Variants in NFX1 observed in about 807,000 individuals in gnomAD.
NFX1 encodes the protein transcriptional repressor NF-X1.
A neutral mutation model predicts 137.2 loss-of-function variants in NFX1; 69 were observed. The ratio of observed to expected loss-of-function variants is 0.50; its 90% confidence interval spans 0.41 to 0.61. The LOEUF is 0.61. Among genes scored for constraint, NFX1 ranks in the 20% least tolerant of loss-of-function variants. NFX1 has a pLI of 0.00. For missense variants in NFX1, 1,167 were observed against 1,391.0 expected (o/e 0.84, Z 2.56); for synonymous variants, 495 against 474.1 (o/e 1.04, Z -0.57).
rs549969793 is a variant in NFX1, at chr9:33,324,095, T to C, written c.1907-4486T>C. Among the ~76,000 whole-genome samples the C allele has an allele frequency of 1.5e-3, 234 of 152,182 alleles. 1 individual carries two copies. The highest frequency in any genetic ancestry group is 2.9e-4 in the Non-Finnish European group (20 of 68,000). The stretch of plus-strand genomic sequence containing the variant: ...ATCTCTACAAAAAATTTTAAAAACT[T>C]AGGCCAGGCACAGTGGCTCATGCCT... On this transcript the variant is annotated intron_variant, in intron 9 of 23. Coordinates refer to ENST00000379540, the MANE Select transcript of NFX1 (RefSeq NM_002504.6).
intron 11 of NFX1, 134 bp downstream of exon 11, chr9:33,332,636 C>A: frequency 3.6e-6 from 2 of 562,930 alleles, no homozygotes; most frequent in Non-Finnish European, 6.3e-6. Context: ...TAACTTTCAC[C>A]TCAAAAGGAA....
chr9:33,330,756 G>A (rs906159141), intron 10 of NFX1, among the ~76,000 whole-genome samples: 2 of 152,144 alleles, frequency 1.3e-5, no homozygotes, highest in African/African-American at 4.8e-5. Flanking sequence ...ATGGCAGTGA[G>A]TGTATTCTTG....
intron 7 of NFX1, among the ~76,000 whole-genome samples, chr9:33,317,973 C>CA (rs5897542): frequency 0.7 from 30,917 of 44,342 alleles, 13,326 homozygotes; most frequent in Non-Finnish European, 0.8. Flanking sequence ...GACTCTGTCT[C>CA]AAAAAAAAAA....
chr9:33,311,635 C>T (rs189043173), intron 6 of NFX1, among the ~76,000 whole-genome samples: 1 of 152,186 alleles, frequency 6.6e-6, no homozygotes, highest in East Asian at 1.9e-4. Flanking sequence ...TCACTGCAAC[C>T]TCTGCTGCCT....
chr9:33,313,757 G>T lies in NFX1; in HGVS notation c.1552G>T (p.Gly518Cys), dbSNP rs35268125. The change falls in exon 7 of 24, where the codon GGT becomes TGT. Residue 518 changes from glycine (G) to cysteine (C), a missense_variant. Physicochemically the swap from Gly to Cys is radical, Grantham distance 159. Coordinates refer to ENST00000379540, the MANE Select transcript of NFX1 (RefSeq NM_002504.6). Reference sequence around the variant, plus strand: ...CCAGTGTGCTGAGCTGTGCCATGGGGGTCAGTGCCAGCCTTGCCAGATCAT... The same window carrying T: ...CCAGTGTGCTGAGCTGTGCCATGGGTGTCAGTGCCAGCCTTGCCAGATCAT... ...QHQCAELCHGGQCQPCQIILN... is the reference protein window; with the variant it reads ...QHQCAELCHGCQCQPCQIILN... 1.4e-5 allele frequency: 23 copies of T among 1,614,098 alleles called. No homozygotes were observed. The highest frequency in any genetic ancestry group is 1.8e-5 in the Non-Finnish European group (21 of 1,180,002).
At chr9:33,367,491 G>A (rs1409625389) in intron 22 of NFX1, 24 bp from the exon 23 acceptor site, 1 of 1,609,950 alleles carries the variant, frequency 6.2e-7, no homozygotes, top group Admixed American at 1.7e-5. Context: ...ACTTTTCAAT[G>A]CTTGGTGTTT....
chr9:33,329,006 C>T (rs1007427421), intron 10 of NFX1, among the ~76,000 whole-genome samples: 15 of 152,116 alleles, frequency 9.9e-5, no homozygotes, highest in African/African-American at 2.7e-4. Context: ...AGACCACCTG[C>T]GAGGCTTGAT....
intron 3 of NFX1, among the ~76,000 whole-genome samples, chr9:33,301,690 C>A (rs1316893334): frequency 6.6e-6 from 1 of 152,108 alleles, no homozygotes; most frequent in East Asian, 1.9e-4. Flanking sequence ...ATTATTTTTT[C>A]TTTGACCTAC....
intron 19 of NFX1, among the ~76,000 whole-genome samples, chr9:33,363,262 TGTATTATTATTA>T (rs1337822164): frequency 2.3e-5 from 3 of 131,430 alleles, no homozygotes; most frequent in African/African-American, 9.7e-5. Flanking sequence ...AATAAAGAAA[TGTATTATTATTA>T]TTATTATTAT....
intron 1 of NFX1, among the ~76,000 whole-genome samples, chr9:33,291,955 G>T (rs549080072): frequency 6.6e-6 from 1 of 152,312 alleles, no homozygotes; most frequent in Admixed American, 6.5e-5. Context: ...TCTTGATGTG[G>T]ATATTAAGTC....
rs1249278909 is a variant in NFX1, at chr9:33,366,767, G to A, written c.3178G>A (p.Ala1060Thr). 1.9e-6 allele frequency: 3 copies of A among 1,613,816 alleles called. No homozygotes were observed. The highest frequency in any genetic ancestry group is 1.3e-5 in the African/African-American group (1 of 75,050). ...SEPKRNVVVTAIRGKSVCPPT... is the reference protein window; with the variant it reads ...SEPKRNVVVTTIRGKSVCPPT... ...ACCGAAGCGCAATGTGGTGGTCACT[G>A]CCATCAGGTAGGTCAATCCCGCCGT... The change falls in exon 22 of 24, where the codon GCC becomes ACC. Residue 1060 changes from alanine to threonine, a missense_variant. Physicochemically the swap from Ala to Thr is moderately conservative, Grantham distance 58 (BLOSUM62 0). Around this residue, in one of 3 missense-constraint regions of NFX1, gnomAD observed 312 missense variants for 312.8 expected, o/e 1.00. Transcript: ENST00000379540.
chr9:33,354,178 A>G lies in NFX1; in HGVS notation c.2822A>G (p.His941Arg), dbSNP rs752350712. The change falls in exon 18 of 24, where the codon CAT (histidine) becomes CGT (arginine). Residue 941 changes from histidine (H) to arginine (R), a missense_variant. Physicochemically the swap from His to Arg is conservative, Grantham distance 29. Transcript: ENST00000379540. ...ISKLITKKEV[H>R]QARLECDEEC... ...AAGTTAATTACCAAAAAGGAAGTTC[A>G]TCAAGCCAGGTAATTTTTAAAATGC... 11 of 1,612,374 alleles carry G rather than the reference A, an allele frequency of 6.8e-6. No homozygotes were observed. Among genetic ancestry groups the G allele is most frequent in the African/African-American group, 1.3e-5 (1 of 74,898 alleles).
chr9:33,328,430 A>G lies in NFX1; in HGVS notation c.1907-151A>G, dbSNP rs568710816. 15 of 596,114 alleles carry G rather than the reference A, an allele frequency of 2.5e-5. No individual in the cohort carries two copies. In the South Asian group the frequency reaches 2.7e-4, roughly 11 times the overall value. The allele number at this position is 596,114 out of a possible 1,614,324, so 36.9% of individuals were successfully genotyped here. On this transcript the variant is annotated intron_variant, in intron 9 of 23. Transcript: ENST00000379540. The stretch of plus-strand genomic sequence containing the variant: ...GCCCAGTCTGCCAGATGAAGGGAAG[A>G]TAGGGAAGAAGCATTGACTGCATAC...
intron 19 of NFX1, among the ~76,000 whole-genome samples, chr9:33,361,469 G>A (rs1001214105): frequency 3.3e-5 from 5 of 151,812 alleles, no homozygotes; most frequent in African/African-American, 9.7e-5. Context: ...TAATAATGGC[G>A]GTACTTAAAA....
intron 10 of NFX1, 36 bp from the exon 11 acceptor site, chr9:33,332,436 C>CT (rs1289492298): frequency 6.4e-7 from 1 of 1,574,208 alleles, no homozygotes; most frequent in Non-Finnish European, 8.7e-7. Flanking sequence ...TTAGTTATTC[C>CT]TAAAGTAGTT....
At chr9:33,326,703 G>C (rs1822603358) in intron 9 of NFX1, among the ~76,000 whole-genome samples, 1 of 152,188 alleles carries the variant, frequency 6.6e-6, no homozygotes. Context: ...TGAGTGACAA[G>C]AGTGGGACCC....
intron 12 of NFX1, among the ~76,000 whole-genome samples, chr9:33,339,601 A>G (rs907395800): frequency 4.6e-5 from 7 of 152,188 alleles, no homozygotes; most frequent in African/African-American, 1.7e-4. Context: ...ACTGTCCCCC[A>G]AAGTCTTAAC....
chr9:33,370,668 A>G lies in NFX1; in HGVS notation c.*690A>G, dbSNP rs1199553347. The G allele has an allele frequency of 6.6e-6, 1 of 152,206 alleles. No individual in the cohort carries two copies. The highest frequency in any genetic ancestry group is 1.9e-4 in the East Asian group (1 of 5,198). 9.4% of individuals were successfully genotyped at this position (152,206 alleles called of 1,614,324 possible). A position where few individuals can be genotyped will look rare whatever the true frequency, so the allele number is the denominator to read the frequency against. ...TCCCTGGCACTTCTCATACCACATC[A>G]CTGAACCTGTTCAGTAACAATCAGT... On this transcript the variant is annotated 3_prime_UTR_variant, in exon 24 of 24. Coordinates refer to ENST00000379540, the MANE Select transcript of NFX1 (RefSeq NM_002504.6).
Position 33,294,539 on chromosome 9 carries a change from A to G in NFX1, c.145A>G (p.Ser49Gly), listed in dbSNP as rs377682621. 58 of 1,614,102 alleles carry G rather than the reference A, an allele frequency of 3.6e-5. No homozygotes were observed. Among genetic ancestry groups the G allele is most frequent in the Non-Finnish European group, 4.2e-5 (50 of 1,180,044 alleles). Residue 49 changes from serine to glycine, a missense_variant, in exon 2 of 24, where the codon AGT becomes GGT. This residue lies in a region of NFX1 where 367 missense variants were observed against 386.7 expected (regional missense o/e 0.95). Transcript: ENST00000379540. ...TAATAGGATTGGTAGAAGAAATTAC[A>G]GTTCACCACCTCCCTGTCACCTTTC... Reference protein sequence around the residue: ...DSNRIGRRNYSSPPPCHLSRQ... With the variant: ...DSNRIGRRNYGSPPPCHLSRQ...
Sources: allele counts gnomAD v4.1 joint callset (sites outside exome capture counted in the v4.1 genomes callset), GRCh38; gene constraint gnomAD v4.1.1; regional missense constraint gnomAD v4.1.1; transcripts MANE v1.5; gene names NCBI Gene and HGNC (gene_info 2026-07-23, HGNC 2026-07-21).